PRKG1: variants seen among roughly 807,000 people sequenced by gnomAD.
PRKG1 encodes the protein protein kinase cGMP-dependent 1.
A neutral mutation model predicts 88.1 loss-of-function variants in PRKG1; 35 were observed. The observed-to-expected ratio is 0.40, with a 90% CI of 0.30 to 0.53. PRKG1 has a LOEUF of 0.53. Among genes scored for constraint, PRKG1 ranks in the 20% least tolerant of loss-of-function variants. The pLI is 0.59. For missense variants in PRKG1, 540 were observed against 839.8 expected, an observed-to-expected ratio of 0.64 and a Z score of 4.41; for synonymous variants, 303 against 292.5, an observed-to-expected ratio of 1.04 and a Z score of -0.37.
In PRKG1 at chr10:51,304,089, G is replaced by T. The variant is rs185512601; in HGVS notation, c.478+150759G>T. On this transcript the variant is annotated intron_variant, in intron 2 of 17. Transcript: ENST00000373980. ...CCCACCTCGGCCTCCCAAAGTGCTG[G>T]GATTACAGACATGAGCCACCGTGCC... Among the ~76,000 whole-genome samples the T allele has an allele frequency of 5.2e-3, 792 of 152,010 alleles. 4 individuals are homozygous for T. The highest frequency in any genetic ancestry group is 0.018 in the African/African-American group (728 of 41,462).
rs953231674 is a variant in PRKG1 at position 52,138,301 on chromosome 10, G to A, written c.1001+4396G>A. Among the ~76,000 whole-genome samples the A allele has an allele frequency of 2.0e-5, 3 of 152,158 alleles. No homozygotes were observed. The East Asian group carries it at 5.8e-4, about 29-fold the overall frequency. On this transcript the variant is annotated intron_variant, in intron 8 of 17. Coordinates refer to ENST00000373980, the MANE Select transcript of PRKG1 (RefSeq NM_006258.4). Reference sequence around the variant, plus strand: ...TGTCCATTTTTGTTGGTCAGTTCCTGGGCCCTACTGGCCATTAATTATCTT... The same window carrying A: ...TGTCCATTTTTGTTGGTCAGTTCCTAGGCCCTACTGGCCATTAATTATCTT...
At chr10:51,240,811 A>G (rs1171271457) in intron 2 of PRKG1, among the ~76,000 whole-genome samples, 5 of 152,226 alleles carry the variant, frequency 3.3e-5, no homozygotes, top group Non-Finnish European at 7.3e-5. Flanking sequence ...GGCTGGGACA[A>G]TAAAAGTACT....
At position 51,370,061 on chromosome 10, in the gene PRKG1, T is replaced by G. The variant is rs554854710; in HGVS notation, c.479-97662T>G. Among the ~76,000 whole-genome samples the G allele has an allele frequency of 6.6e-5, 10 of 152,242 alleles. 1 individual carries two copies. The highest frequency in any genetic ancestry group is 1.9e-4 in the African/African-American group (8 of 41,572). On this transcript the variant is annotated intron_variant, in intron 2 of 17. Transcript: ENST00000373980. ...CATTTTGATGATGAGATGAGTAATT[T>G]CTTGGTACCATATGAAATATCAAGG... is the stretch of plus-strand genomic sequence containing the variant.
At chr10:51,175,342 CAT>C (rs1837162619) in intron 2 of PRKG1, among the ~76,000 whole-genome samples, 1 of 151,990 alleles carries the variant, frequency 6.6e-6, no homozygotes, top group South Asian at 2.1e-4. Context: ...TATACACACA[CAT>C]ACACACACAT....
At chr10:52,188,019 CT>C (rs979801274) in intron 9 of PRKG1, among the ~76,000 whole-genome samples, 26 of 151,838 alleles carry the variant, frequency 1.7e-4, no homozygotes, top group African/African-American at 6.3e-4. Flanking sequence ...AAACAGTAGA[CT>C]TTTACAATGG....
intron 3 of PRKG1, among the ~76,000 whole-genome samples, chr10:51,559,126 G>T (rs1048495375): frequency 6.6e-6 from 1 of 151,846 alleles, no homozygotes; most frequent in African/African-American, 2.4e-5. Flanking sequence ...TATATATATG[G>T]CTTGGTACTA....
chr10:51,384,545 T>C (rs1001821788), intron 2 of PRKG1, among the ~76,000 whole-genome samples: 1 of 152,174 alleles, frequency 6.6e-6, no homozygotes, highest in African/African-American at 2.4e-5. Context: ...AGTTTGATTG[T>C]TAATCAAAAT....
intron 2 of PRKG1, among the ~76,000 whole-genome samples, chr10:51,182,722 A>G (rs2132027772): frequency 6.6e-6 from 1 of 152,292 alleles, no homozygotes; most frequent in Non-Finnish European, 1.5e-5. Context: ...TGCATGCAAG[A>G]TCCAGCAAGG....
At chr10:51,096,768 A>C (rs1035220040) in intron 1 of PRKG1, among the ~76,000 whole-genome samples, 6 of 152,198 alleles carry the variant, frequency 3.9e-5, no homozygotes, top group African/African-American at 1.2e-4. Flanking sequence ...ACCCTGCCTC[A>C]GCAGTTGCTA....
At chr10:51,509,582 A>G (rs1841331295) in intron 3 of PRKG1, among the ~76,000 whole-genome samples, 1 of 150,900 alleles carries the variant, frequency 6.6e-6, no homozygotes, top group African/African-American at 2.4e-5. Context: ...CACTCTGTTG[A>G]GCAAGCTGGT....
chr10:51,538,325 T>C (rs1269238052), intron 3 of PRKG1, among the ~76,000 whole-genome samples: 1 of 149,628 alleles, frequency 6.7e-6, no homozygotes, highest in Non-Finnish European at 1.5e-5. Flanking sequence ...TATTAATATA[T>C]AATGTGATGA....
chr10:51,983,161 C>A (rs1487968500), intron 5 of PRKG1, among the ~76,000 whole-genome samples: 1 of 152,068 alleles, frequency 6.6e-6, no homozygotes, highest in Admixed American at 6.5e-5. Context: ...GGGGCACTGG[C>A]AGGCGTGGGG....
intron 5 of PRKG1, among the ~76,000 whole-genome samples, chr10:51,942,541 G>A (rs1392543281): frequency 6.7e-6 from 1 of 149,904 alleles, no homozygotes; most frequent in Non-Finnish European, 1.5e-5. Flanking sequence ...CCTATGTCCT[G>A]AATAGTAATG....
intron 1 of PRKG1, among the ~76,000 whole-genome samples, chr10:51,026,242 G>A (rs1354134865): frequency 6.6e-6 from 1 of 152,052 alleles, no homozygotes; most frequent in African/African-American, 2.4e-5. Context: ...CTATTGTTTA[G>A]GCCACCCACC....
intron 5 of PRKG1, among the ~76,000 whole-genome samples, chr10:51,975,864 G>A (rs1339785171): frequency 6.6e-6 from 1 of 151,948 alleles, no homozygotes; most frequent in African/African-American, 2.4e-5. Flanking sequence ...CTGAATGGGA[G>A]AAAATATCTG....
chr10:52,025,422 A>G (rs1164505077), intron 5 of PRKG1, among the ~76,000 whole-genome samples: 7 of 152,012 alleles, frequency 4.6e-5, no homozygotes, highest in Non-Finnish European at 8.8e-5. Context: ...CCTGAATGGT[A>G]TTGCCTTGGT....
At chr10:51,266,721 A>T (rs919532265) in intron 2 of PRKG1, among the ~76,000 whole-genome samples, 1 of 152,232 alleles carries the variant, frequency 6.6e-6, no homozygotes, top group Non-Finnish European at 1.5e-5. Flanking sequence ...AGGTCAATGC[A>T]TAAAGCTGAA....
intron 9 of PRKG1, among the ~76,000 whole-genome samples, chr10:52,238,094 T>G (rs1840740049): frequency 1.4e-5 from 1 of 69,040 alleles, no homozygotes; most frequent in African/African-American, 6.3e-5. Context: ...TAATAAATGG[T>G]GCTGGGAAAA....
At chr10:51,986,417 T>C (rs1844159108) in intron 5 of PRKG1, among the ~76,000 whole-genome samples, 1 of 152,186 alleles carries the variant, frequency 6.6e-6, no homozygotes, top group African/African-American at 2.4e-5. Flanking sequence ...AAAGATCTTT[T>C]CCAAGTTCAA....
Sources: allele counts gnomAD v4.1 joint callset (sites outside exome capture counted in the v4.1 genomes callset), GRCh38; gene constraint gnomAD v4.1.1; transcripts MANE v1.5; gene names NCBI Gene and HGNC (gene_info 2026-07-23, HGNC 2026-07-21).